Variants in ZNF280B observed in about 807,000 individuals in gnomAD.
ZNF280B encodes the protein zinc finger protein 280B.
ZNF280B carries 16 observed loss-of-function variants against 38.0 expected under a neutral mutation model. That is an observed-to-expected ratio of 0.42 (90% confidence interval 0.28 to 0.64). The LOEUF (loss-of-function observed/expected upper bound fraction) is 0.64. Ranked by LOEUF, ZNF280B falls within the 30% of genes least tolerant of loss-of-function variation. The probability of loss-of-function intolerance (pLI) is 0.21; values close to 1 mark genes in which losing one functional copy is unlikely to be tolerated. For missense variants in ZNF280B, 581 were observed against 639.6 expected (o/e 0.91, Z 0.99); for synonymous variants, 253 against 230.6 (o/e 1.10, Z -0.88).
rs577273361 is a variant in ZNF280B, at chr22:22,484,643, C to T, written c.*3124G>A. 6.6e-6 allele frequency: 1 copy of T among 152,178 alleles called. No individual in the cohort carries two copies. Among genetic ancestry groups the T allele is most frequent in the Non-Finnish European group, 1.5e-5 (1 of 67,956 alleles). 9.4% of individuals were successfully genotyped at this position (152,178 alleles called of 1,614,324 possible). On this transcript the variant is annotated 3_prime_UTR_variant, in exon 4 of 4. Coordinates refer to ENST00000626650, the MANE Select transcript of ZNF280B (RefSeq NM_080764.4). ...ATATATAGAGGTATCAATAGAAAAA[C>T]AGAGAAAGCTCCTGAAAGAACTCAC...
At chr22:22,505,089 A>G (rs1196810386) in intron 2 of ZNF280B, among the ~76,000 whole-genome samples, 1 of 152,020 alleles carries the variant, frequency 6.6e-6, no homozygotes, top group Non-Finnish European at 1.5e-5. Context: ...TATCTGGGGA[A>G]GAATACTCCA....
chr22:22,509,133 G>A (rs957130066), upstream of ZNF280B: 1 of 152,698 alleles, frequency 6.5e-6, no homozygotes, highest in African/African-American at 2.4e-5. Flanking sequence ...GTGGGGGGTA[G>A]GCTTCCAGTC....
chr22:22,488,331 G>C lies in ZNF280B; in HGVS notation c.1068C>G (p.Phe356Leu). 1 of 1,613,918 alleles carries C rather than the reference G, an allele frequency of 6.2e-7. No homozygotes were observed. The highest frequency in any genetic ancestry group is 8.5e-7 in the Non-Finnish European group (1 of 1,179,980). ...QHCHRQFPTP[F>L]QLQCHIENVH... The stretch of plus-strand genomic sequence containing the variant: ...CATTTTCGATGTGACACTGTAGCTG[G>C]AAGGGAGTGGGAAACTGCCGGTGGC... Residue 356 changes from phenylalanine (F) to leucine (L), a missense_variant, in exon 4 of 4, where the codon TTC becomes TTG. Transcript: ENST00000626650.
chr22:22,501,542 G>A (rs1008987181), intron 2 of ZNF280B, among the ~76,000 whole-genome samples: 1 of 151,764 alleles, frequency 6.6e-6, no homozygotes, highest in African/African-American at 2.4e-5. Flanking sequence ...TCCAGCCTGG[G>A]CGACAGAGTG....
intron 2 of ZNF280B, among the ~76,000 whole-genome samples, chr22:22,504,835 G>A (rs898747313): frequency 6.6e-6 from 1 of 151,962 alleles, no homozygotes; most frequent in African/African-American, 2.4e-5. Context: ...CATCAAGGTA[G>A]TATTTGAGAC....
chr22:22,489,063 T>G lies in ZNF280B; in HGVS notation c.336A>C (p.Thr112=), dbSNP rs1601698165. ...AAGGCTCAATAATAATAGGACTATC[T>G]GTTGATCTCGATTCAAGTTGGGAAG... The part of the protein sequence containing the change: ...LPASQLESRS[T]DSPIIIEPLS... The change falls in exon 4 of 4, where the codon ACA becomes ACC. Residue 112 remains threonine, a synonymous_variant. Coordinates refer to ENST00000626650, the MANE Select transcript of ZNF280B (RefSeq NM_080764.4). The G allele has an allele frequency of 6.2e-7, 1 of 1,613,878 alleles. No individual in the cohort carries two copies. Among genetic ancestry groups the G allele is most frequent in the African/African-American group, 1.3e-5 (1 of 74,964 alleles).
chr22:22,500,790 C>T (rs1318164760), intron 2 of ZNF280B, among the ~76,000 whole-genome samples: 1 of 151,678 alleles, frequency 6.6e-6, no homozygotes, highest in African/African-American at 2.4e-5. Context: ...ACCCAGGAGG[C>T]GGAGGTTGCA....
intron 2 of ZNF280B, among the ~76,000 whole-genome samples, chr22:22,502,573 A>G (rs1191361108): frequency 1.3e-5 from 2 of 152,026 alleles, no homozygotes; most frequent in African/African-American, 4.8e-5. Flanking sequence ...GTATATCCGT[A>G]CAATGAAATA....
At chr22:22,493,198 G>A (rs112440352) in intron 3 of ZNF280B, among the ~76,000 whole-genome samples, 3 of 151,712 alleles carry the variant, frequency 2.0e-5, no homozygotes, top group African/African-American at 7.3e-5. Flanking sequence ...TAGTAGAGAC[G>A]GGGTTTCACC....
intron 2 of ZNF280B, among the ~76,000 whole-genome samples, chr22:22,500,059 T>C (rs193139231): frequency 1.8e-4 from 28 of 152,068 alleles, no homozygotes; most frequent in Admixed American, 1.6e-3. Flanking sequence ...AGATACCACC[T>C]CACACCTAGT....
chr22:22,485,305 G>A lies in ZNF280B; in HGVS notation c.*2462C>T, dbSNP rs1426225153. ...TTACCACAGAAACAGAATACGGGAG[G>A]TAAGTATGAAAAGTCTGTAGATCTA... On this transcript the variant is annotated 3_prime_UTR_variant, in exon 4 of 4. Coordinates refer to ENST00000626650, the MANE Select transcript of ZNF280B (RefSeq NM_080764.4). 6.6e-6 allele frequency: 1 copy of A among 151,858 alleles called. No individual in the cohort carries two copies. The highest frequency in any genetic ancestry group is 2.1e-4 in the South Asian group (1 of 4,816). The allele number at this position is 151,858 out of a possible 1,614,324, so 9.4% of individuals were successfully genotyped here. A position where few individuals can be genotyped will look rare whatever the true frequency, so the allele number is the denominator to read the frequency against.
Position 22,487,818 on chromosome 22 carries a change from A to G in ZNF280B, c.1581T>C (p.Ser527=). The G allele has an allele frequency of 1.9e-6, 3 of 1,610,868 alleles. No individual in the cohort carries two copies. Among genetic ancestry groups the G allele is most frequent in the Non-Finnish European group, 2.5e-6 (3 of 1,178,940 alleles). ...TTTTAGACCTGGGGAGTGATGGTTC[A>G]GAGTCAGATGTGCTCACAGTTATGG... The part of the protein sequence containing the change: ...VASITVSTSD[S]EPSLPRSKSK... The change falls in exon 4 of 4, where the codon TCT becomes TCC. Residue 527 remains serine (S), a synonymous_variant. Transcript: ENST00000626650.
In ZNF280B at chr22:22,488,417, G is replaced by T. The variant is rs748524910; in HGVS notation, c.982C>A (p.His328Asn). 8 of 1,613,856 alleles carry T rather than the reference G, an allele frequency of 5.0e-6. No individual in the cohort carries two copies. Among genetic ancestry groups the T allele is most frequent in the Non-Finnish European group, 5.9e-6 (7 of 1,179,978 alleles). Residue 328 changes from histidine (H) to asparagine (N), a missense_variant, in exon 4 of 4, where the codon CAT becomes AAT. His to Asn is a moderately conservative substitution (Grantham distance 68, BLOSUM62 1). Transcript: ENST00000626650. ...NVKFMNHVKHHLEFEKQRNDS... is the reference protein window; with the variant it reads ...NVKFMNHVKHNLEFEKQRNDS... ...TTCCTCTGCTTCTCAAATTCCAAATGATGCTTCACGTGATTCATAAACTTA... is the reference window on the plus strand; with the variant it reads ...TTCCTCTGCTTCTCAAATTCCAAATTATGCTTCACGTGATTCATAAACTTA...
At position 22,485,278 on chromosome 22, in the gene ZNF280B, T is replaced by G. The variant is rs888227017; in HGVS notation, c.*2489A>C. On this transcript the variant is annotated 3_prime_UTR_variant, in exon 4 of 4. Coordinates refer to ENST00000626650, the MANE Select transcript of ZNF280B (RefSeq NM_080764.4). The stretch of plus-strand genomic sequence containing the variant: ...AACATACAACTAAAACACTTCATAT[T>G]TTTACCACAGAAACAGAATACGGGA... 1.3e-5 allele frequency: 2 copies of G among 151,916 alleles called. No homozygotes were observed. The highest frequency in any genetic ancestry group is 4.8e-5 in the African/African-American group (2 of 41,336). The allele number at this position is 151,916 out of a possible 1,614,324, so 9.4% of individuals were successfully genotyped here.
Position 22,487,301 on chromosome 22 carries a change from G to C in ZNF280B, c.*466C>G, listed in dbSNP as rs1401508259. 1 of 151,264 alleles carries C rather than the reference G, an allele frequency of 6.6e-6. No homozygotes were observed. Among genetic ancestry groups the C allele is most frequent in the Non-Finnish European group, 1.5e-5 (1 of 67,876 alleles). 9.4% of individuals were successfully genotyped at this position (151,264 alleles called of 1,614,324 possible). A position where few individuals can be genotyped will look rare whatever the true frequency, so the allele number is the denominator to read the frequency against. On this transcript the variant is annotated 3_prime_UTR_variant, in exon 4 of 4. Transcript: ENST00000626650. ...AAAAAATTAAAATAAAAAATTAGCT[G>C]GGTGTGGTGGCTGCGCCTGTAGTCC...
At chr22:22,492,918 A>G (rs2061625535) in intron 3 of ZNF280B, among the ~76,000 whole-genome samples, 1 of 151,846 alleles carries the variant, frequency 6.6e-6, no homozygotes, top group Non-Finnish European at 1.5e-5. Flanking sequence ...CTAATTCACA[A>G]TCATTAATAT....
chr22:22,496,300 G>A (rs986847314), intron 2 of ZNF280B, among the ~76,000 whole-genome samples: 7 of 150,596 alleles, frequency 4.6e-5, no homozygotes, highest in South Asian at 2.1e-4. Flanking sequence ...GTTTCCCCAT[G>A]TTGTCCACAC....
In ZNF280B at chr22:22,501,036, A is replaced by C. The variant is rs13056548; in HGVS notation, c.-187+6774T>G. ...CTCCGTCTCAAAAAAAAAAAAAAAA[A>C]AAAAACAAAAAACCAAAAAAACAAA... On this transcript the variant is annotated intron_variant, in intron 2 of 3. Transcript: ENST00000626650. Among the ~76,000 whole-genome samples, 223 of 136,746 alleles carry C rather than the reference A, an allele frequency of 1.6e-3. 1 individual carries two copies. Among genetic ancestry groups the C allele is most frequent in the Non-Finnish European group, 3.0e-3 (188 of 63,112 alleles). The allele number at this position is 136,746 out of a possible 152,430, so 89.7% of individuals were successfully genotyped here.
intron 2 of ZNF280B, among the ~76,000 whole-genome samples, chr22:22,501,616 G>A (rs2061826982): frequency 6.6e-6 from 1 of 151,666 alleles, no homozygotes; most frequent in African/African-American, 2.4e-5. Flanking sequence ...AGTGGCTCAT[G>A]CCTGTAATCC....
Sources: allele counts gnomAD v4.1 joint callset (sites outside exome capture counted in the v4.1 genomes callset), GRCh38; gene constraint gnomAD v4.1.1; transcripts MANE v1.5; gene names NCBI Gene and HGNC (gene_info 2026-07-23, HGNC 2026-07-21).